Variants in TCF12 observed in about 807,000 individuals in gnomAD.
The protein encoded by TCF12 is DNA-binding protein HTF4.
TCF12 carries 45 observed loss-of-function variants against 86.0 expected under a neutral mutation model. The observed-to-expected ratio is 0.52, with a 90% CI of 0.41 to 0.67. The LOEUF is 0.67. TCF12 is among the 30% of genes least tolerant of loss of function. The pLI, the probability that TCF12 is intolerant of heterozygous loss-of-function variation, is 0.00. For synonymous variants in TCF12, 330 were observed against 299.6 expected, an observed-to-expected ratio of 1.10 and a Z score of -1.05; for missense variants, 881 against 859.9, an observed-to-expected ratio of 1.02 and a Z score of -0.31.
At chr15:57,254,158 T>C (rs1455435604) in intron 16 of TCF12, among the ~76,000 whole-genome samples, 1 of 152,234 alleles carries the variant, frequency 6.6e-6, no homozygotes, top group East Asian at 1.9e-4. Context: ...TGTGTTGGCA[T>C]GTTTATGGCA....
Position 57,179,656 on chromosome 15 carries a change from A to T in TCF12, c.391-12502A>T, listed in dbSNP as rs115432698. Reference sequence around the variant, plus strand: ...CAATATTTATTAAGTTTTCAAGAGGATATGTTGAGATTATAAAATTTGGGA... The same window carrying T: ...CAATATTTATTAAGTTTTCAAGAGGTTATGTTGAGATTATAAAATTTGGGA... On this transcript the variant is annotated intron_variant, in intron 6 of 20. Transcript: ENST00000333725. 7.8e-3 allele frequency among the ~76,000 whole-genome samples: 1,193 copies of T among 152,200 alleles called. 17 individuals are homozygous for T. Among genetic ancestry groups the T allele is most frequent in the African/African-American group, 0.027 (1,134 of 41,492 alleles).
chr15:57,212,757 C>G (rs142893789), intron 8 of TCF12, among the ~76,000 whole-genome samples: 14 of 152,188 alleles, frequency 9.2e-5, no homozygotes, highest in Middle Eastern at 3.4e-3. Context: ...GGTTTAATGC[C>G]TGCATTTTAC....
intron 6 of TCF12, among the ~76,000 whole-genome samples, chr15:57,182,939 C>T (rs2056446028): frequency 1.3e-5 from 2 of 152,148 alleles, no homozygotes; most frequent in South Asian, 2.1e-4. Context: ...ATGCATGTTC[C>T]CGAGTTACTA....
intron 3 of TCF12, among the ~76,000 whole-genome samples, chr15:57,001,012 A>ATTTTTTTTTTTT (rs71113050): frequency 7.9e-6 from 1 of 126,738 alleles, no homozygotes; most frequent in East Asian, 2.2e-4. Flanking sequence ...TTTAAAAAAA[A>ATTTTTTTTTTTT]TTTTTTTTTT....
intron 13 of TCF12, among the ~76,000 whole-genome samples, chr15:57,249,007 C>CG (rs1419632482): frequency 3.0e-4 from 45 of 152,084 alleles, no homozygotes; most frequent in African/African-American, 1.1e-3. Context: ...GCTTCTGTTA[C>CG]GGGGGGGCTT....
Position 57,160,503 on chromosome 15 carries a change from G to A in TCF12, c.326-5899G>A, listed in dbSNP as rs148855066. On this transcript the variant is annotated intron_variant, in intron 5 of 20. Coordinates refer to ENST00000333725, the MANE Select transcript of TCF12 (RefSeq NM_207037.2). ...TGGGTGGGCACACAAACCATATCAG[G>A]CACCTTCTAACCTTTGCGGTATTTT... is the stretch of plus-strand genomic sequence containing the variant. 4.5e-3 allele frequency among the ~76,000 whole-genome samples: 688 copies of A among 152,204 alleles called. 1 individual carries two copies. The highest frequency in any genetic ancestry group is 7.6e-3 in the Non-Finnish European group (519 of 68,022).
At chr15:57,139,454 A>G (rs537688208) in intron 5 of TCF12, among the ~76,000 whole-genome samples, 72 of 152,280 alleles carry the variant, frequency 4.7e-4, no homozygotes, top group African/African-American at 1.7e-3. Context: ...GGTGATTATG[A>G]TAATTGGGAG....
chr15:57,067,350 C>T (rs1192244091), intron 4 of TCF12, among the ~76,000 whole-genome samples: 5 of 151,696 alleles, frequency 3.3e-5, no homozygotes, highest in Admixed American at 2.6e-4. Flanking sequence ...ACCATCCCGG[C>T]TAAAACGGTG....
chr15:56,939,538 CTATATG>C (rs2060631358), intron 3 of TCF12, among the ~76,000 whole-genome samples: 1 of 152,048 alleles, frequency 6.6e-6, no homozygotes. Context: ...TTGTTGTTTA[CTATATG>C]TATATTAGAC....
chr15:57,206,472 A>G (rs1014302615), intron 8 of TCF12, among the ~76,000 whole-genome samples: 1 of 152,168 alleles, frequency 6.6e-6, no homozygotes, highest in Admixed American at 6.5e-5. Flanking sequence ...AGATTTAAAG[A>G]AAAGGTAAAT....
chr15:57,120,126 G>C (rs1396921347), intron 5 of TCF12, among the ~76,000 whole-genome samples: 1 of 152,078 alleles, frequency 6.6e-6, no homozygotes, highest in Non-Finnish European at 1.5e-5. Flanking sequence ...AGTACTTACT[G>C]CATTTCTGCC....
At chr15:57,243,388 T>G (rs1031298865) in intron 12 of TCF12, 84 bp from the exon 13 acceptor site, 2 of 1,240,972 alleles carry the variant, frequency 1.6e-6, no homozygotes, top group Non-Finnish European at 2.3e-6. Context: ...ACAACTAGAT[T>G]ATAAAAATAA....
intron 3 of TCF12, among the ~76,000 whole-genome samples, chr15:57,024,696 C>T (rs750802412): frequency 3.1e-4 from 47 of 152,282 alleles, no homozygotes; most frequent in Non-Finnish European, 6.2e-4. Context: ...CTGACTTAGA[C>T]CATTCCATAG....
chr15:57,170,735 ATAAT>A (rs2055370973), intron 6 of TCF12, among the ~76,000 whole-genome samples: 1 of 2,860 alleles, frequency 3.5e-4, no homozygotes, highest in Non-Finnish European at 9.9e-4. Flanking sequence ...TATATTATAT[ATAAT>A]ATATATTATA....
At chr15:57,042,230 A>T (rs1386688819) in intron 3 of TCF12, among the ~76,000 whole-genome samples, 1 of 151,934 alleles carries the variant, frequency 6.6e-6, no homozygotes, top group Non-Finnish European at 1.5e-5. Context: ...GCATAAAGTG[A>T]ATCCTTAGCA....
chr15:57,114,450 C>G (rs1051741800), intron 5 of TCF12, among the ~76,000 whole-genome samples: 1 of 152,120 alleles, frequency 6.6e-6, no homozygotes, highest in Non-Finnish European at 1.5e-5. Flanking sequence ...ACCACCACAC[C>G]TAGCTAATTT....
chr15:57,162,755 T>G (rs1045816887), intron 5 of TCF12, among the ~76,000 whole-genome samples: 2 of 152,232 alleles, frequency 1.3e-5, no homozygotes, highest in Non-Finnish European at 2.9e-5. Flanking sequence ...TAATTAAGAT[T>G]GTATTTAAAA....
intron 3 of TCF12, among the ~76,000 whole-genome samples, chr15:56,923,739 G>T (rs1436033316): frequency 6.6e-6 from 1 of 152,064 alleles, no homozygotes; most frequent in African/African-American, 2.4e-5. Flanking sequence ...TAGATTGTTT[G>T]TATGATATCT....
intron 8 of TCF12, among the ~76,000 whole-genome samples, chr15:57,223,783 G>A (rs1190724888): frequency 6.6e-6 from 1 of 150,630 alleles, no homozygotes; most frequent in East Asian, 2.0e-4. Context: ...ACTGTATACA[G>A]CTGCATTTCT....
Sources: allele counts gnomAD v4.1 joint callset (sites outside exome capture counted in the v4.1 genomes callset), GRCh38; gene constraint gnomAD v4.1.1; transcripts MANE v1.5; gene names NCBI Gene and HGNC (gene_info 2026-07-23, HGNC 2026-07-21).